Variants in MAP3K11 observed in about 807,000 individuals in gnomAD.
MAP3K11 encodes mitogen-activated protein kinase kinase kinase 11, also known as SH3 domain-containing proline-rich kinase.
A neutral mutation model predicts 84.9 loss-of-function variants in MAP3K11; 46 were observed. That is an observed-to-expected ratio of 0.54 (90% confidence interval 0.43 to 0.69). The LOEUF (loss-of-function observed/expected upper bound fraction) is 0.69, where lower values mean the gene tolerates loss of function less well. Ranked by LOEUF, MAP3K11 falls within the 30% of genes least tolerant of loss-of-function variation. The probability of loss-of-function intolerance (pLI) is 0.00; values close to 1 mark genes in which losing one functional copy is unlikely to be tolerated. For synonymous variants in MAP3K11, 527 were observed against 514.7 expected (o/e 1.02, Z -0.32); for missense variants, 1,053 against 1,198.3 (o/e 0.88, Z 1.79).
intron 6 of MAP3K11, chr11:65,606,324 C>T: frequency 2.2e-6 from 1 of 456,302 alleles, no homozygotes; most frequent in Non-Finnish European, 3.8e-6. Context: ...CACCAACTGC[C>T]TGAGTTTGAT....
Position 65,598,567 on chromosome 11 carries a change from TG to T in MAP3K11, c.2267del (p.Pro756HisfsTer191), listed in dbSNP as rs1484466268. 6.3e-7 allele frequency: 1 copy of T among 1,595,922 alleles called. No homozygotes were observed. On this transcript the variant is annotated frameshift_variant, in exon 10 of 10. Coordinates refer to ENST00000309100, the MANE Select transcript of MAP3K11 (RefSeq NM_002419.4). LOFTEE classifies it high-confidence loss of function. ...SRSAPGTPGT[P>X]RSPPLGLISR... ...TGATGAGGCCCAGGGGTGGTGAACG[TG>T]GGGTGCCTGGGGTGCCAGGAGCAGA...
At position 65,599,752 on chromosome 11, in the gene MAP3K11, A is replaced by G. The variant is rs1314347849; in HGVS notation, c.1848T>C (p.Pro616=). The part of the protein sequence containing the change: ...PPALNGNPPR[P]SLEPEEPKRP... ...TCTTGGGCTCCTCGGGCTCCAGGCTAGGCCGCGGGGGGTTACCTGCGGGCA... is the reference window on the plus strand; with the variant it reads ...TCTTGGGCTCCTCGGGCTCCAGGCTGGGCCGCGGGGGGTTACCTGCGGGCA... The change falls in exon 9 of 10, where the codon CCT becomes CCC. Residue 616 remains proline, a synonymous_variant. Coordinates refer to ENST00000309100, the MANE Select transcript of MAP3K11 (RefSeq NM_002419.4). 40 of 1,593,158 alleles carry G rather than the reference A, an allele frequency of 2.5e-5. No individual in the cohort carries two copies. Among genetic ancestry groups the G allele is most frequent in the Non-Finnish European group, 3.3e-5 (39 of 1,177,472 alleles).
intron 8 of MAP3K11, among the ~76,000 whole-genome samples, chr11:65,603,656 T>C (rs1476186455): frequency 6.6e-6 from 1 of 152,232 alleles, no homozygotes; most frequent in Non-Finnish European, 1.5e-5. Flanking sequence ...GTCAATGTCA[T>C]GTACTTTCAT....
Position 65,599,575 on chromosome 11 carries a change from CG to C in MAP3K11, c.2024del (p.Pro675ArgfsTer272). The C allele has an allele frequency of 6.6e-7, 1 of 1,507,630 alleles. No homozygotes were observed. The highest frequency in any genetic ancestry group is 8.8e-7 in the Non-Finnish European group (1 of 1,137,130). The allele number at this position is 1,507,630 out of a possible 1,614,324, so 93.4% of individuals were successfully genotyped here. ...CGGGCGTTGGCGTGGGGGGTGTTGT[CG>C]GGGACTCCCCGCGCTCGCGTCCTGG... ...GGPGRERGES[P>X]TTPPTPTPAP... On this transcript the variant is annotated frameshift_variant, in exon 9 of 10. Transcript: ENST00000309100. LOFTEE classifies it high-confidence loss of function.
rs149401275 is a variant in MAP3K11 at position 65,605,833 on chromosome 11, C to T, written c.1759G>A (p.Glu587Lys). ...TCTGAATCCAGGTACCATGTGGCTTCGTCCATGCGGGACCTTCTCCTGGTG... is the reference window on the plus strand; with the variant it reads ...TCTGAATCCAGGTACCATGTGGCTTTGTCCATGCGGGACCTTCTCCTGGTG... The part of the protein sequence containing the change: ...QNGRRRSRMD[E>K]ATWYLDSDDS... The change falls in exon 8 of 10, where the codon GAA (glutamate) becomes AAA (lysine). Residue 587 changes from glutamate to lysine, a missense_variant. Glu to Lys is a moderately conservative substitution (Grantham distance 56). Around this residue, in one of 3 missense-constraint regions of MAP3K11, gnomAD observed 583 missense variants for 566.6 expected, o/e 1.03. Transcript: ENST00000309100. 19 of 1,612,924 alleles carry T rather than the reference C, an allele frequency of 1.2e-5. No individual in the cohort carries two copies. The highest frequency in any genetic ancestry group is 5.3e-5 in the African/African-American group (4 of 74,852).
chr11:65,607,835 G>T lies in MAP3K11; in HGVS notation c.1070-19C>A. The T allele has an allele frequency of 6.2e-7, 1 of 1,607,870 alleles. No homozygotes were observed. The highest frequency in any genetic ancestry group is 8.5e-7 in the Non-Finnish European group (1 of 1,175,464). On this transcript the variant is annotated intron_variant, in intron 3 of 9. Coordinates refer to ENST00000309100, the MANE Select transcript of MAP3K11 (RefSeq NM_002419.4). Reference sequence around the variant, plus strand: ...CAGCAGTCTAGGGGCACGGCGTGCAGCGGGGACAGAATAAGAAGGGGTCCG... The same window carrying T: ...CAGCAGTCTAGGGGCACGGCGTGCATCGGGGACAGAATAAGAAGGGGTCCG...
chr11:65,604,192 A>C (rs1854483444), intron 8 of MAP3K11, among the ~76,000 whole-genome samples: 1 of 152,230 alleles, frequency 6.6e-6, no homozygotes, highest in Admixed American at 6.5e-5. Flanking sequence ...ATAATTAACA[A>C]ATTCTTTGGA....
intron 8 of MAP3K11, among the ~76,000 whole-genome samples, chr11:65,600,995 C>T (rs1336041512): frequency 6.6e-6 from 1 of 152,250 alleles, no homozygotes; most frequent in East Asian, 1.9e-4. Flanking sequence ...ACTGAAGGGA[C>T]AAGGGAATCC....
intron 6 of MAP3K11, 65 bp downstream of exon 6, chr11:65,606,626 A>T (rs928948458): frequency 2.4e-6 from 3 of 1,248,146 alleles, no homozygotes; most frequent in Non-Finnish European, 2.2e-6. Context: ...GCCTCCAAGA[A>T]TAAGGTCTGA....
intron 1 of MAP3K11, chr11:65,611,314 C>T (rs1248086829): frequency 6.6e-6 from 1 of 152,308 alleles, no homozygotes; most frequent in Non-Finnish European, 1.5e-5. Flanking sequence ...CCCCTCCTCT[C>T]CCCGCCAGGC....
chr11:65,612,982 G>A (rs1437284622), intron 1 of MAP3K11, 36 bp downstream of exon 1: 2 of 1,514,708 alleles, frequency 1.3e-6, no homozygotes, highest in Non-Finnish European at 1.8e-6. Context: ...GTGTACCAGA[G>A]CCATGCCACC....
chr11:65,598,259 C>G lies in MAP3K11; in HGVS notation c.*32G>C, dbSNP rs886510828. 74 of 1,413,766 alleles carry G rather than the reference C, an allele frequency of 5.2e-5. No homozygotes were observed. The highest frequency in any genetic ancestry group is 6.8e-5 in the Non-Finnish European group (73 of 1,080,752). The allele number at this position is 1,413,766 out of a possible 1,614,324, so 87.6% of individuals were successfully genotyped here. A position where few individuals can be genotyped will look rare whatever the true frequency, so the allele number is the denominator to read the frequency against. Reference sequence around the variant, plus strand: ...GTGTATGCTGTGACTCCTCCTAAGGCAGCTGGAGCTCGGGGGAGTGGCCTG... The same window carrying G: ...GTGTATGCTGTGACTCCTCCTAAGGGAGCTGGAGCTCGGGGGAGTGGCCTG... On this transcript the variant is annotated 3_prime_UTR_variant, in exon 10 of 10. Coordinates refer to ENST00000309100, the MANE Select transcript of MAP3K11 (RefSeq NM_002419.4).
rs1854410088 is a variant in MAP3K11 at position 65,598,509 on chromosome 11, T to C, written c.2326A>G (p.Ile776Val). ...GCTGACACAAAGCTCCAGGGATCAA[T>C]GCGGCTGCGAAGGGGCGAGGGCCGA... is the stretch of plus-strand genomic sequence containing the variant. Reference protein sequence around the residue: ...RPRPSPLRSRIDPWSFVSAGP... With the variant: ...RPRPSPLRSRVDPWSFVSAGP... The change falls in exon 10 of 10, where the codon ATT becomes GTT. Residue 776 changes from isoleucine to valine, a missense_variant. This residue lies in a region of MAP3K11 where 583 missense variants were observed against 566.6 expected (regional missense o/e 1.03). Coordinates refer to ENST00000309100, the MANE Select transcript of MAP3K11 (RefSeq NM_002419.4). 1.9e-6 allele frequency: 3 copies of C among 1,613,252 alleles called. No individual in the cohort carries two copies. Among genetic ancestry groups the C allele is most frequent in the Non-Finnish European group, 8.5e-7 (1 of 1,179,704 alleles).
intron 8 of MAP3K11, among the ~76,000 whole-genome samples, chr11:65,605,127 C>T (rs1854493576): frequency 6.6e-6 from 1 of 152,150 alleles, no homozygotes; most frequent in South Asian, 2.1e-4. Context: ...GCCTCAGTTT[C>T]CTTATCTGCA....
chr11:65,605,531 C>A, intron 8 of MAP3K11: 1 of 464,126 alleles, frequency 2.2e-6, no homozygotes, highest in East Asian at 4.0e-5. Context: ...GGGGATGAGA[C>A]TCTGGGCCCC....
intron 6 of MAP3K11, 32 bp downstream of exon 6, chr11:65,606,659 C>T (rs777856021): frequency 7.5e-6 from 11 of 1,457,228 alleles, no homozygotes; most frequent in East Asian, 2.5e-5. Flanking sequence ...AGCTGGGGGG[C>T]GGAGAGGGGC....
intron 9 of MAP3K11, 146 bp from the exon 10 acceptor site, chr11:65,598,774 CCT>C (rs1451159624): frequency 4.1e-5 from 23 of 555,256 alleles, no homozygotes; most frequent in Non-Finnish European, 1.5e-5. Flanking sequence ...CTCCGTGGTG[CCT>C]CTGTTTTTTG....
chr11:65,600,270 G>A (rs746479379), intron 8 of MAP3K11, among the ~76,000 whole-genome samples: 9 of 152,198 alleles, frequency 5.9e-5, no homozygotes, highest in Non-Finnish European at 1.0e-4. Context: ...GCAGCCCTGA[G>A]GGCATAAATC....
intron 8 of MAP3K11, among the ~76,000 whole-genome samples, chr11:65,601,361 G>A (rs1011810356): frequency 1.3e-5 from 2 of 152,148 alleles, no homozygotes; most frequent in African/African-American, 2.4e-5. Flanking sequence ...TATTGCTCAC[G>A]TTATGCCTCA....
Sources: allele counts gnomAD v4.1 joint callset (sites outside exome capture counted in the v4.1 genomes callset), GRCh38; gene constraint gnomAD v4.1.1; regional missense constraint gnomAD v4.1.1; transcripts MANE v1.5; gene names NCBI Gene and HGNC (gene_info 2026-07-23, HGNC 2026-07-21).